The following NUCB2 variants were observed in gnomAD, a reference collection of about 807,000 sequenced individuals.
The protein encoded by NUCB2 is nucleobindin 2.
A neutral mutation model predicts 57.9 loss-of-function variants in NUCB2; 48 were observed. That is an observed-to-expected ratio of 0.83 (90% CI 0.66 to 1.05). NUCB2 has a LOEUF of 1.05. Among genes scored for constraint, NUCB2 ranks in the 50% least tolerant of loss-of-function variants. The probability of loss-of-function intolerance (pLI) is 0.00; values close to 1 mark genes in which losing one functional copy is unlikely to be tolerated. For synonymous variants in NUCB2, 139 were observed against 152.1 expected (o/e 0.91, Z 0.64); for missense variants, 442 against 476.2 (o/e 0.93, Z 0.67).
At chr11:17,322,234 G>A (rs1009556777) in intron 11 of NUCB2, among the ~76,000 whole-genome samples, 24 of 152,078 alleles carry the variant, frequency 1.6e-4, no homozygotes, top group African/African-American at 5.8e-4. Flanking sequence ...AGGTCTTAGA[G>A]TTAAGTCTTT....
chr11:17,283,957 T>A (rs933781401), intron 2 of NUCB2, among the ~76,000 whole-genome samples: 8 of 152,242 alleles, frequency 5.3e-5, no homozygotes, highest in Non-Finnish European at 8.8e-5. Flanking sequence ...CTGTTAGTTG[T>A]CTTGAAATTT....
At chr11:17,289,941 G>T (rs1944639261) in intron 2 of NUCB2, among the ~76,000 whole-genome samples, 1 of 152,068 alleles carries the variant, frequency 6.6e-6, no homozygotes, top group African/African-American at 2.4e-5. Flanking sequence ...ATTGACATTT[G>T]CATGAGTCCA....
intron 5 of NUCB2, among the ~76,000 whole-genome samples, chr11:17,302,801 G>A (rs1459342561): frequency 2.7e-5 from 4 of 150,260 alleles, no homozygotes; most frequent in South Asian, 2.1e-4. Flanking sequence ...GTGCAGTGGC[G>A]TGATCTTGGC....
At chr11:17,295,993 T>C (rs16933946) in intron 3 of NUCB2, 111 bp from the exon 4 acceptor site, 27,397 of 544,594 alleles carry the variant, frequency 0.05, 1,041 homozygotes, top group Admixed American at 0.15. Context: ...ACTATCAAAG[T>C]AAATATGTCT....
At chr11:17,320,968 G>A in intron 11 of NUCB2, among the ~76,000 whole-genome samples, 1 of 151,890 alleles carries the variant, frequency 6.6e-6, no homozygotes, top group East Asian at 1.9e-4. Flanking sequence ...AATTTGTTGT[G>A]TGTGCATACA....
chr11:17,288,156 A>G (rs1306953966), intron 2 of NUCB2, among the ~76,000 whole-genome samples: 1 of 152,008 alleles, frequency 6.6e-6, no homozygotes. Context: ...ACCTTTATCA[A>G]TTTATTTCGT....
intron 11 of NUCB2, among the ~76,000 whole-genome samples, chr11:17,327,072 G>T (rs1262663113): frequency 1.3e-5 from 2 of 151,986 alleles, no homozygotes; most frequent in Non-Finnish European, 2.9e-5. Flanking sequence ...TGAAAAATCT[G>T]CCACCTGAGA....
intron 6 of NUCB2, 38 bp downstream of exon 6, chr11:17,309,713 C>A: frequency 7.7e-7 from 1 of 1,296,838 alleles, no homozygotes. Flanking sequence ...TTTATTGTGC[C>A]TTTGAGGTTT....
intron 1 of NUCB2, among the ~76,000 whole-genome samples, chr11:17,279,670 A>G (rs1037405843): frequency 6.6e-6 from 1 of 152,144 alleles, no homozygotes; most frequent in African/African-American, 2.4e-5. Flanking sequence ...AGGGAGGACT[A>G]CTGTACCTCC....
chr11:17,282,236 C>CTATATATA (rs71457870), intron 1 of NUCB2, among the ~76,000 whole-genome samples: 2 of 104,104 alleles, frequency 1.9e-5, no homozygotes, highest in Non-Finnish European at 4.2e-5. Flanking sequence ...ATCTATCTAT[C>CTATATATA]TATATATATA....
At chr11:17,343,215 A>G (rs1056685152) in intron 2 of NUCB2, among the ~76,000 whole-genome samples, 2 of 151,962 alleles carry the variant, frequency 1.3e-5, no homozygotes, top group East Asian at 1.9e-4. Flanking sequence ...GTCTCTGCAC[A>G]TGAGATGGGT....
chr11:17,283,921 CCTTT>C (rs930830949), intron 2 of NUCB2, among the ~76,000 whole-genome samples: 2 of 152,132 alleles, frequency 1.3e-5, no homozygotes, highest in Non-Finnish European at 2.9e-5. Context: ...CTTTTTCTTT[CCTTT>C]CTTCTTTTTT....
At chr11:17,315,612 A>G (rs1292322553) in intron 11 of NUCB2, 137 bp downstream of exon 11, 1 of 445,242 alleles carries the variant, frequency 2.2e-6, no homozygotes, top group East Asian at 3.4e-5. Flanking sequence ...ATGTCAGTAT[A>G]AAATAATGAA....
At chr11:17,289,439 G>A (rs773156694) in intron 2 of NUCB2, among the ~76,000 whole-genome samples, 1 of 152,212 alleles carries the variant, frequency 6.6e-6, no homozygotes, top group South Asian at 2.1e-4. Context: ...TGGAGGGCTG[G>A]CCTTCATGAA....
intron 4 of NUCB2, among the ~76,000 whole-genome samples, chr11:17,298,995 G>A (rs565263332): frequency 2.0e-4 from 31 of 152,298 alleles, no homozygotes; most frequent in African/African-American, 6.5e-4. Flanking sequence ...CACCATGCCC[G>A]GCCTCTCTTT....
intron 10 of NUCB2, among the ~76,000 whole-genome samples, chr11:17,312,646 A>G (rs1174347726): frequency 6.6e-6 from 1 of 151,870 alleles, no homozygotes; most frequent in Non-Finnish European, 1.5e-5. Context: ...CAGGTGATCC[A>G]TCCGCCTTGG....
At chr11:17,310,236 C>CT (rs201890915) in intron 6 of NUCB2, among the ~76,000 whole-genome samples, 87 of 147,046 alleles carry the variant, frequency 5.9e-4, no homozygotes, top group Admixed American at 6.1e-4. Flanking sequence ...CTTTCTTCTT[C>CT]TTTTTTTTTT....
chr11:17,300,431 A>T (rs961655715), intron 4 of NUCB2, among the ~76,000 whole-genome samples: 1 of 152,160 alleles, frequency 6.6e-6, no homozygotes, highest in East Asian at 1.9e-4. Flanking sequence ...TGTAACTCCT[A>T]ATTGCGCCCC....
At chr11:17,346,505 C>T (rs1189344403) in intron 2 of NUCB2, among the ~76,000 whole-genome samples, 1 of 152,114 alleles carries the variant, frequency 6.6e-6, no homozygotes, top group Admixed American at 6.5e-5. Context: ...AGCCACACTC[C>T]CTACCCTTCA....
Sources: allele counts gnomAD v4.1 joint callset (sites outside exome capture counted in the v4.1 genomes callset), GRCh38; gene constraint gnomAD v4.1.1; transcripts MANE v1.5; gene names NCBI Gene and HGNC (gene_info 2026-07-23, HGNC 2026-07-21).